The following DSCAM variants were observed in gnomAD, a reference collection of about 807,000 sequenced individuals.
DSCAM encodes the protein DS cell adhesion molecule.
DSCAM carries 47 observed loss-of-function variants against 217.7 expected under a neutral mutation model. The ratio of observed to expected loss-of-function variants is 0.22; its 90% CI spans 0.17 to 0.28. The LOEUF (loss-of-function observed/expected upper bound fraction) is 0.28, where lower values mean the gene tolerates loss of function less well. Among genes scored for constraint, DSCAM ranks in the 10% least tolerant of loss-of-function variants. DSCAM has a pLI of 1.00. For synonymous variants in DSCAM, 1,056 were observed against 1,015.3 expected, an observed-to-expected ratio of 1.04 and a Z score of -0.76; for missense variants, 2,080 against 2,618.3, an observed-to-expected ratio of 0.79 and a Z score of 4.49.
At chr21:40,293,333 T>C (rs186200929) in intron 10 of DSCAM, among the ~76,000 whole-genome samples, 2 of 152,016 alleles carry the variant, frequency 1.3e-5, no homozygotes, top group African/African-American at 4.8e-5. Context: ...CAGGGAAATG[T>C]GAAAGGAAGT....
At chr21:40,667,629 T>C (rs964813835) in intron 3 of DSCAM, among the ~76,000 whole-genome samples, 1 of 151,898 alleles carries the variant, frequency 6.6e-6, no homozygotes, top group African/African-American at 2.4e-5. Flanking sequence ...AATTGAATCA[T>C]GGGGGCAGTT....
At chr21:40,643,766 A>G (rs1392814829) in intron 3 of DSCAM, among the ~76,000 whole-genome samples, 1 of 152,258 alleles carries the variant, frequency 6.6e-6, no homozygotes, top group African/African-American at 2.4e-5. Flanking sequence ...GATACCAGGG[A>G]TGTGTGCACA....
At chr21:40,475,659 C>T (rs2075927918) in intron 3 of DSCAM, among the ~76,000 whole-genome samples, 1 of 152,060 alleles carries the variant, frequency 6.6e-6, no homozygotes, top group South Asian at 2.1e-4. Context: ...GGTGAGACCC[C>T]ATCTCTACTA....
chr21:40,553,942 G>A (rs539005719), intron 3 of DSCAM, among the ~76,000 whole-genome samples: 10 of 152,212 alleles, frequency 6.6e-5, no homozygotes, highest in South Asian at 2.1e-4. Context: ...AAAGCCAAGC[G>A]GAGGAGGAAA....
At chr21:40,361,994 T>G (rs560600370) in intron 4 of DSCAM, among the ~76,000 whole-genome samples, 58 of 152,314 alleles carry the variant, frequency 3.8e-4, no homozygotes, top group African/African-American at 1.3e-3. Context: ...CATTGTTCAA[T>G]TCCCATCTAT....
intron 7 of DSCAM, 81 bp downstream of exon 7, chr21:40,339,038 C>A: frequency 3.2e-6 from 5 of 1,542,514 alleles, no homozygotes; most frequent in Non-Finnish European, 4.4e-6. Context: ...ATTCCAAGAC[C>A]CAGCTCGGTG....
In DSCAM at chr21:40,352,749, A is replaced by G. The variant is rs568027934; in HGVS notation, c.934+716T>C. Reference sequence around the variant, plus strand: ...TCTGCCTCCCTTTTCTGGCCATGTGATCTTGGGTAATTCACTTTAATTTGG... The same window carrying G: ...TCTGCCTCCCTTTTCTGGCCATGTGGTCTTGGGTAATTCACTTTAATTTGG... On this transcript the variant is annotated intron_variant, in intron 5 of 32. Transcript: ENST00000400454. Among the ~76,000 whole-genome samples the G allele has an allele frequency of 2.0e-5, 3 of 152,256 alleles. No homozygotes were observed. The South Asian group carries it at 6.2e-4, about 32-fold the overall frequency.
At chr21:40,612,415 G>A (rs2089327933) in intron 3 of DSCAM, among the ~76,000 whole-genome samples, 1 of 152,138 alleles carries the variant, frequency 6.6e-6, no homozygotes, top group Non-Finnish European at 1.5e-5. Context: ...GCTAGAGATA[G>A]CATGTGGATG....
rs2090335981 is a variant in DSCAM at position 40,144,828 on chromosome 21, G to C, written c.3019-97C>G. 1.3e-6 allele frequency: 2 copies of C among 1,537,280 alleles called. No individual in the cohort carries two copies. Among genetic ancestry groups the C allele is most frequent in the South Asian group, 2.4e-5 (2 of 83,452 alleles). On this transcript the variant is annotated intron_variant, in intron 16 of 32. Coordinates refer to ENST00000400454, the MANE Select transcript of DSCAM (RefSeq NM_001389.5). This position sits in a 1 kb window ranked among gnomAD's most constrained non-coding sequence, Gnocchi z 4.8. The stretch of plus-strand genomic sequence containing the variant: ...CACGTAGGAAAGCAGAAATAAAGTG[G>C]AGTCATCGCCACGATGCTGGGGCGG...
Position 40,072,640 on chromosome 21 carries a change from A to ATG in DSCAM, c.4888+2396_4888+2397insCA, listed in dbSNP as rs2089312798. 2.0e-5 allele frequency among the ~76,000 whole-genome samples: 3 copies of ATG among 151,940 alleles called. No homozygotes were observed. In the South Asian group the frequency reaches 6.3e-4, roughly 32 times the overall value. On this transcript the variant is annotated intron_variant, in intron 27 of 32. Transcript: ENST00000400454. ...TAGGATTACAGGTGTGAGCCACCGC[A>ATG]CCCGGCCTCTCCTGTCAGATTCTTG...
intron 3 of DSCAM, among the ~76,000 whole-genome samples, chr21:40,561,400 T>G (rs2076719662): frequency 6.6e-6 from 1 of 152,238 alleles, no homozygotes; most frequent in Admixed American, 6.5e-5. Flanking sequence ...GTCGTTCCAT[T>G]ATTTTCTCAC....
At chr21:40,830,877 T>G (rs931119763) in intron 1 of DSCAM, among the ~76,000 whole-genome samples, 9 of 152,202 alleles carry the variant, frequency 5.9e-5, no homozygotes, top group African/African-American at 2.2e-4. Context: ...TCAGGCTGCT[T>G]AGGCCACAGA....
intron 3 of DSCAM, among the ~76,000 whole-genome samples, chr21:40,485,677 T>C (rs1488797876): frequency 2.6e-5 from 4 of 152,170 alleles, no homozygotes; most frequent in South Asian, 2.1e-4. Context: ...AATTACATAC[T>C]TAAATAGAAC....
At chr21:40,777,917 C>CA (rs1003026389) in intron 1 of DSCAM, among the ~76,000 whole-genome samples, 7 of 152,138 alleles carry the variant, frequency 4.6e-5, no homozygotes, top group African/African-American at 1.4e-4. Context: ...AAACAGCCTA[C>CA]AAAAAGGAAA....
At chr21:40,260,565 GTCC>G (rs1448875788) in intron 11 of DSCAM, among the ~76,000 whole-genome samples, 1 of 152,190 alleles carries the variant, frequency 6.6e-6, no homozygotes, top group Non-Finnish European at 1.5e-5. Context: ...ACACCTGGGA[GTCC>G]TCAAGAGAAA....
At chr21:40,824,816 T>C (rs2091955410) in intron 1 of DSCAM, among the ~76,000 whole-genome samples, 1 of 152,152 alleles carries the variant, frequency 6.6e-6, no homozygotes, top group South Asian at 2.1e-4. Flanking sequence ...ATTTTCCTCT[T>C]TTCTCCTGCC....
intron 3 of DSCAM, among the ~76,000 whole-genome samples, chr21:40,455,811 GATAA>G (rs1569131051): frequency 6.6e-6 from 1 of 151,942 alleles, no homozygotes; most frequent in Non-Finnish European, 1.5e-5. Flanking sequence ...ATGGATGATA[GATAA>G]ATAGATTGAT....
intron 3 of DSCAM, among the ~76,000 whole-genome samples, chr21:40,465,881 A>T (rs1414739443): frequency 2.2e-5 from 2 of 90,022 alleles, no homozygotes; most frequent in Non-Finnish European, 4.1e-5. Context: ...CACGTTTGGT[A>T]AAAAAAAAAA....
At chr21:40,338,494 T>A in intron 7 of DSCAM, 118 bp from the exon 8 acceptor site, 1 of 1,103,938 alleles carries the variant, frequency 9.1e-7, no homozygotes, top group Non-Finnish European at 1.2e-6. Flanking sequence ...CACATCTTTT[T>A]CAGTTAAACA....
Sources: gnomAD v4.1 joint callset for allele counts (sites outside exome capture counted in the v4.1 genomes callset) on GRCh38, gnomAD v4.1.1 for gene constraint, Gnocchi (gnomAD v3.1) non-coding constraint, MANE v1.5 for transcripts, NCBI Gene and HGNC (gene_info 2026-07-23, HGNC 2026-07-21) for gene names.